ZFX: variants seen among roughly 807,000 people sequenced by gnomAD.
ZFX encodes zinc finger X-chromosomal protein.
For synonymous variants in ZFX, 196 were observed against 226.8 expected (o/e 0.86, Z 1.22); for missense variants, 362 against 628.3 (o/e 0.58, Z 4.53).
intron 5 of ZFX, among the ~76,000 whole-genome samples, chrX:24,199,392 C>T (rs1205284037): frequency 9.1e-6 from 1 of 109,564 alleles, no homozygotes; most frequent in Non-Finnish European, 1.9e-5. Context: ...GTAGCTGGGA[C>T]TACAGGTGCA....
At chrX:24,195,783 C>T (rs1936879818) in intron 5 of ZFX, among the ~76,000 whole-genome samples, 2 of 111,907 alleles carry the variant, frequency 1.8e-5, no homozygotes, top group Admixed American at 9.4e-5. Context: ...TGAGCCACCA[C>T]GCCCGGCCAC....
chrX:24,149,854 G>C (rs1439040217), intron 1 of ZFX, 60 bp downstream of exon 1: 1 of 109,268 alleles, frequency 9.2e-6, no homozygotes, highest in Non-Finnish European at 1.9e-5. Context: ...GCCTGGTCTC[G>C]GCCTGGTCGG....
chrX:24,208,275 C>T lies in ZFX; in HGVS notation c.998C>T (p.Ala333Val). 1 of 1,211,374 alleles carries T rather than the reference C, an allele frequency of 8.3e-7. No individual in the cohort carries two copies. Among genetic ancestry groups the T allele is most frequent in the South Asian group, 1.8e-5 (1 of 56,743 alleles). Reference protein sequence around the residue: ...YMEVIVGEEDAAAAAAAAAVH... With the variant: ...YMEVIVGEEDVAAAAAAAAVH... ...GAAGTGATCGTAGGAGAGGAGGATG[C>T]TGCAGCAGCAGCGGCAGCCGCCGCC... The change falls in exon 8 of 10, where the codon GCT (alanine) becomes GTT (valine). Residue 333 changes from alanine to valine, a missense_variant. Physicochemically the swap from Ala to Val is moderately conservative, Grantham distance 64 (BLOSUM62 0). Coordinates refer to ENST00000304543, the MANE Select transcript of ZFX (RefSeq NM_003410.4).
At chrX:24,183,949 G>A (rs998170983) in intron 5 of ZFX, among the ~76,000 whole-genome samples, 25 of 109,723 alleles carry the variant, frequency 2.3e-4, no homozygotes, top group African/African-American at 8.3e-4. Context: ...TAGAGACGGG[G>A]TTTTGCCATG....
intron 9 of ZFX, 180 bp downstream of exon 9, chrX:24,209,220 A>G: frequency 2.7e-6 from 2 of 753,158 alleles, no homozygotes; most frequent in Non-Finnish European, 3.7e-6. Context: ...ATTTCCTTGG[A>G]TAAAAAGAAA....
chrX:24,187,496 A>G (rs1936218505), intron 5 of ZFX, among the ~76,000 whole-genome samples: 1 of 112,173 alleles, frequency 8.9e-6, no homozygotes, highest in Non-Finnish European at 1.9e-5. Flanking sequence ...ATGTTAAACA[A>G]TAATTTGTTG....
intron 5 of ZFX, among the ~76,000 whole-genome samples, chrX:24,191,350 A>G (rs1285474622): frequency 1.8e-5 from 2 of 111,333 alleles, no homozygotes; most frequent in East Asian, 2.8e-4. Flanking sequence ...ATCGTACCCA[A>G]TTCTTTCAAG....
At chrX:24,164,452 GTA>G in intron 3 of ZFX, among the ~76,000 whole-genome samples, 1 of 111,752 alleles carries the variant, frequency 8.9e-6, no homozygotes, top group Non-Finnish European at 1.9e-5. Flanking sequence ...AGAGAATACT[GTA>G]AGTGTTAACA....
chrX:24,193,889 G>A (rs1384742306), intron 5 of ZFX, among the ~76,000 whole-genome samples: 2 of 111,507 alleles, frequency 1.8e-5, no homozygotes, highest in Non-Finnish European at 3.8e-5. Flanking sequence ...ACACTGTTGA[G>A]CAACCATCAG....
intron 5 of ZFX, among the ~76,000 whole-genome samples, chrX:24,183,909 C>T (rs1429416313): frequency 9.1e-6 from 1 of 109,552 alleles, no homozygotes; most frequent in Non-Finnish European, 1.9e-5. Context: ...CACGTGCCAC[C>T]ATGCCCAGCT....
intron 5 of ZFX, among the ~76,000 whole-genome samples, chrX:24,192,719 A>G (rs941560233): frequency 9.1e-6 from 1 of 110,031 alleles, no homozygotes; most frequent in Non-Finnish European, 1.9e-5. Flanking sequence ...TAGACTTGAC[A>G]ACATCGGGAG....
intron 3 of ZFX, among the ~76,000 whole-genome samples, chrX:24,163,858 AAT>A (rs1327665018): frequency 9.6e-6 from 1 of 103,947 alleles, no homozygotes; most frequent in Non-Finnish European, 2.0e-5. Flanking sequence ...AAAAAAAAAA[AAT>A]TCATTACGAT....
In ZFX at chrX:24,179,865, G is replaced by A. The variant is rs746923921; in HGVS notation, c.646+95G>A. 6.3e-6 allele frequency: 5 copies of A among 790,242 alleles called. No homozygotes were observed. The East Asian group carries it at 1.3e-4, about 20-fold the overall frequency. 65.1% of individuals were successfully genotyped at this position (790,242 alleles called of 1,213,427 possible). A position where few individuals can be genotyped will look rare whatever the true frequency, so the allele number is the denominator to read the frequency against. ...TGAAATTTTCTTGACTTAAATGTCTGTAAAAGTAAATCTCATAGACCTACC... is the reference window on the plus strand; with the variant it reads ...TGAAATTTTCTTGACTTAAATGTCTATAAAAGTAAATCTCATAGACCTACC... On this transcript the variant is annotated intron_variant, in intron 5 of 9. Coordinates refer to ENST00000304543, the MANE Select transcript of ZFX (RefSeq NM_003410.4).
intron 3 of ZFX, among the ~76,000 whole-genome samples, chrX:24,153,454 T>C (rs1223572076): frequency 8.9e-6 from 1 of 111,761 alleles, no homozygotes; most frequent in Non-Finnish European, 1.9e-5. Context: ...GGGACCAAGC[T>C]CTGTGCGTGA....
At chrX:24,156,780 G>A (rs199572538) in intron 3 of ZFX, among the ~76,000 whole-genome samples, 4 of 106,982 alleles carry the variant, frequency 3.7e-5, no homozygotes, top group Non-Finnish European at 7.6e-5. Context: ...TCAGCCTCCC[G>A]AGTAGCTGGG....
chrX:24,204,460 C>G lies in ZFX; in HGVS notation c.647-2866C>G, dbSNP rs761510941. Among the ~76,000 whole-genome samples the G allele has an allele frequency of 3.6e-5, 4 of 111,985 alleles. No homozygotes were observed. In the South Asian group the frequency reaches 1.5e-3, roughly 42 times the overall value. On this transcript the variant is annotated intron_variant, in intron 5 of 9. Transcript: ENST00000304543. ...TTTCAAAGACGTCAGAATCTGAGTT[C>G]TGTCTTGGTATAACTGGTGTAAATT...
In ZFX at chrX:24,207,477, TAAG is replaced by T. The variant is rs776711221; in HGVS notation, c.796+9_796+11del. On this transcript the variant is annotated splice_donor_5th_base_variant and intron_variant, in intron 6 of 9. Coordinates refer to ENST00000304543, the MANE Select transcript of ZFX (RefSeq NM_003410.4). ...CTGACCCTGGAGAAGATGACTTAGG[TAAG>T]AAGAAGTGTTTAGACATTATACATC... The T allele has an allele frequency of 1.4e-5, 17 of 1,203,769 alleles. No individual in the cohort carries two copies. Among genetic ancestry groups the T allele is most frequent in the South Asian group, 9.0e-5 (5 of 55,401 alleles).
At chrX:24,170,599 TTTTC>T (rs1420656207) in intron 3 of ZFX, among the ~76,000 whole-genome samples, 2 of 109,113 alleles carry the variant, frequency 1.8e-5, no homozygotes, top group African/African-American at 3.3e-5. Context: ...CTTTAATTTT[TTTTC>T]TTTAATTTTT....
In ZFX at chrX:24,211,636, C is replaced by A; in HGVS notation, c.*260C>A. ...AATAAAGTAATCCCTGATTCTATAC[C>A]GAAGTTTTATATCTTAGAATTTTAT... On this transcript the variant is annotated 3_prime_UTR_variant, in exon 10 of 10. Transcript: ENST00000304543. 6.2e-6 allele frequency: 2 copies of A among 321,766 alleles called. No individual in the cohort carries two copies. The highest frequency in any genetic ancestry group is 1.1e-5 in the Non-Finnish European group (2 of 187,257). 26.5% of individuals were successfully genotyped at this position (321,766 alleles called of 1,213,427 possible).
Sources: allele counts gnomAD v4.1 joint callset (sites outside exome capture counted in the v4.1 genomes callset), GRCh38; gene constraint gnomAD v4.1.1; transcripts MANE v1.5; gene names NCBI Gene and HGNC (gene_info 2026-07-23, HGNC 2026-07-21).